The following EIF2AK1 variants were observed in gnomAD, a reference collection of about 807,000 sequenced individuals.
The protein encoded by EIF2AK1 is eukaryotic translation initiation factor 2 alpha kinase 1, also known as eukaryotic translation initiation factor 2-alpha kinase 1.
EIF2AK1 carries 54 observed loss-of-function variants against 77.9 expected under a neutral mutation model. That is an observed-to-expected ratio of 0.69 (90% CI 0.56 to 0.87). EIF2AK1 has a LOEUF of 0.87. Ranked by LOEUF, EIF2AK1 falls within the 40% of genes least tolerant of loss-of-function variation. EIF2AK1 has a pLI of 0.00. For missense variants in EIF2AK1, 810 were observed against 768.6 expected (o/e 1.05, Z -0.64); for synonymous variants, 314 against 290.5 (o/e 1.08, Z -0.82).
chr7:6,030,117 A>C (rs772107413), intron 11 of EIF2AK1, among the ~76,000 whole-genome samples: 3 of 152,164 alleles, frequency 2.0e-5, no homozygotes, highest in Non-Finnish European at 2.9e-5. Flanking sequence ...AATGTAACAA[A>C]CCACATGGCT....
Position 6,059,112 on chromosome 7 carries a change from C to G in EIF2AK1, c.-29G>C, listed in dbSNP as rs1403176507. Reference sequence around the variant, plus strand: ...CGGCCGCGCGCGGGCCGCAGCCCAGCCCGCCGGCCAGCCCAGCACTGCCAC... The same window carrying G: ...CGGCCGCGCGCGGGCCGCAGCCCAGGCCGCCGGCCAGCCCAGCACTGCCAC... On this transcript the variant is annotated 5_prime_UTR_variant, in exon 1 of 15. Coordinates refer to ENST00000199389, the MANE Select transcript of EIF2AK1 (RefSeq NM_014413.4). 2 of 1,338,098 alleles carry G rather than the reference C, an allele frequency of 1.5e-6. No individual in the cohort carries two copies. The highest frequency in any genetic ancestry group is 3.1e-5 in the African/African-American group (2 of 64,492). The allele number at this position is 1,338,098 out of a possible 1,614,324, so 82.9% of individuals were successfully genotyped here.
Position 6,048,846 on chromosome 7 carries a change from T to C in EIF2AK1, c.412-2A>G. 1 of 1,576,844 alleles carries C rather than the reference T, an allele frequency of 6.3e-7. No homozygotes were observed. On this transcript the variant is annotated splice_acceptor_variant, in intron 3 of 14. Transcript: ENST00000199389. LOFTEE classifies it high-confidence loss of function. ...ACGAGAAATATCCTCACAAGGATCC[T>C]ACAATTAAAAAATTGTTTTTAAAAA... is the stretch of plus-strand genomic sequence containing the variant.
intron 7 of EIF2AK1, among the ~76,000 whole-genome samples, chr7:6,043,519 C>T (rs1372513842): frequency 6.6e-6 from 1 of 152,086 alleles, no homozygotes; most frequent in Non-Finnish European, 1.5e-5. Context: ...ACCTCCACCT[C>T]CCGGGTTCAA....
At chr7:6,045,197 C>G (rs769345205) in intron 6 of EIF2AK1, among the ~76,000 whole-genome samples, 3 of 151,448 alleles carry the variant, frequency 2.0e-5, no homozygotes, top group Non-Finnish European at 2.9e-5. Flanking sequence ...AATCACTTTG[C>G]TGGGTTCAAG....
chr7:6,056,000 A>C (rs1228955280), intron 1 of EIF2AK1, among the ~76,000 whole-genome samples: 1 of 146,650 alleles, frequency 6.8e-6, no homozygotes, highest in African/African-American at 2.5e-5. Context: ...AAAAAAAAAA[A>C]AAAAAAAACT....
chr7:6,027,066 A>T lies in EIF2AK1; in HGVS notation c.1531-105T>A. ...AAACAGGAGAGGGTTTCTAAGAATG[A>T]GGATATACGGTCACCCACAAGGAAG... On this transcript the variant is annotated intron_variant, in intron 13 of 14. Coordinates refer to ENST00000199389, the MANE Select transcript of EIF2AK1 (RefSeq NM_014413.4). This position sits in a 1 kb window ranked among gnomAD's most constrained non-coding sequence, Gnocchi z 4.5. 1 of 911,766 alleles carries T rather than the reference A, an allele frequency of 1.1e-6. No homozygotes were observed. Among genetic ancestry groups the T allele is most frequent in the East Asian group, 2.5e-5 (1 of 40,262 alleles). 56.5% of individuals were successfully genotyped at this position (911,766 alleles called of 1,614,324 possible). A position where few individuals can be genotyped will look rare whatever the true frequency, so the allele number is the denominator to read the frequency against.
In EIF2AK1 at chr7:6,033,679, C is replaced by T. The variant is rs964034167; in HGVS notation, c.1332+3745G>A. 6.6e-5 allele frequency among the ~76,000 whole-genome samples: 10 copies of T among 152,118 alleles called. No individual in the cohort carries two copies. In the South Asian group the frequency reaches 8.3e-4, roughly 13 times the overall value. ...CATTCTCCTGGGTTCACGCCATTCT[C>T]CTGCCTCAGCCTCCCAAGTAGCTGG... is the stretch of plus-strand genomic sequence containing the variant. On this transcript the variant is annotated intron_variant, in intron 11 of 14. Transcript: ENST00000199389. This position sits in a 1 kb window ranked among gnomAD's most constrained non-coding sequence, Gnocchi z 4.4.
intron 1 of EIF2AK1, chr7:6,057,597 A>AT (rs1304936313): frequency 3.6e-5 from 4 of 112,120 alleles, no homozygotes; most frequent in African/African-American, 8.5e-5. Flanking sequence ...GAAGCATTCC[A>AT]TAAAAAAAAA....
Position 6,059,090 on chromosome 7 carries a change from C to G in EIF2AK1, c.-7G>C. ...CGGAGTTGCCCCCCTGCATCGCCGG[C>G]CGCGCGCGGGCCGCAGCCCAGCCCG... On this transcript the variant is annotated 5_prime_UTR_variant, in exon 1 of 15. Transcript: ENST00000199389. 1 of 1,381,858 alleles carries G rather than the reference C, an allele frequency of 7.2e-7. No individual in the cohort carries two copies. The highest frequency in any genetic ancestry group is 9.3e-7 in the Non-Finnish European group (1 of 1,075,382). The allele number at this position is 1,381,858 out of a possible 1,614,324, so 85.6% of individuals were successfully genotyped here. A position where few individuals can be genotyped will look rare whatever the true frequency, so the allele number is the denominator to read the frequency against.
At position 6,035,413 on chromosome 7, in the gene EIF2AK1, C is replaced by A. The variant is rs747455430; in HGVS notation, c.1332+2011G>T. The A allele has an allele frequency of 1.6e-5, 24 of 1,527,134 alleles. No homozygotes were observed. In the South Asian group the frequency reaches 2.9e-4, roughly 19 times the overall value. The allele number at this position is 1,527,134 out of a possible 1,614,324, so 94.6% of individuals were successfully genotyped here. A position where few individuals can be genotyped will look rare whatever the true frequency, so the allele number is the denominator to read the frequency against. ...CGTAGAGCCGTTCCCACTGTGAATT[C>A]AGTGTAACGTGTAATCAATACCCAT... On this transcript the variant is annotated intron_variant, in intron 11 of 14. Coordinates refer to ENST00000199389, the MANE Select transcript of EIF2AK1 (RefSeq NM_014413.4). The surrounding 1 kb of genome is among the most constrained non-coding windows in gnomAD (Gnocchi z 5.5).
intron 2 of EIF2AK1, among the ~76,000 whole-genome samples, chr7:6,051,104 G>A (rs965108379): frequency 5.9e-5 from 9 of 152,272 alleles, no homozygotes; most frequent in East Asian, 1.9e-4. Context: ...TACAACAAAA[G>A]TGACCATTCA....
chr7:6,031,164 T>A (rs948335959), intron 11 of EIF2AK1, among the ~76,000 whole-genome samples: 5 of 152,090 alleles, frequency 3.3e-5, no homozygotes, highest in Non-Finnish European at 5.9e-5. Flanking sequence ...TATGATAGAG[T>A]AGAAAACCCT....
At chr7:6,042,595 A>T (rs1234224897) in intron 8 of EIF2AK1, among the ~76,000 whole-genome samples, 1 of 152,122 alleles carries the variant, frequency 6.6e-6, no homozygotes, top group Non-Finnish European at 1.5e-5. Flanking sequence ...GGCCAGGTGC[A>T]GTGGCTCACG....
rs370810725 is a variant in EIF2AK1 at position 6,028,689 on chromosome 7, T to C, written c.1456A>G (p.Thr486Ala). ...WTNRNGKRTP[T>A]HTSRVGTCLY... ...CAAGTACCCACTCTGGACGTATGTG[T>C]TGGTGTTCCTATCATTTCAAAAGCC... The change falls in exon 13 of 15, where the codon ACA becomes GCA. Residue 486 changes from threonine to alanine, a missense_variant. By Grantham distance (58) the Thr-to-Ala change is moderately conservative. Coordinates refer to ENST00000199389, the MANE Select transcript of EIF2AK1 (RefSeq NM_014413.4). 1.9e-6 allele frequency: 3 copies of C among 1,614,084 alleles called. No individual in the cohort carries two copies. The highest frequency in any genetic ancestry group is 4.5e-5 in the East Asian group (2 of 44,898).
Position 6,035,785 on chromosome 7 carries a change from C to A in EIF2AK1, c.1332+1639G>T. The A allele has an allele frequency of 1.3e-6, 2 of 1,551,078 alleles. No individual in the cohort carries two copies. Among genetic ancestry groups the A allele is most frequent in the Non-Finnish European group, 1.7e-6 (2 of 1,147,106 alleles). ...ATGCTGAATAAGGAGATGATGGAAA[C>A]GCTCATTGCCTATGGAGCAAACGTC... On this transcript the variant is annotated intron_variant, in intron 11 of 14. Coordinates refer to ENST00000199389, the MANE Select transcript of EIF2AK1 (RefSeq NM_014413.4). This position sits in a 1 kb window ranked among gnomAD's most constrained non-coding sequence, Gnocchi z 5.5.
chr7:6,026,788 T>A lies in EIF2AK1; in HGVS notation c.1704A>T (p.Ser568=). ...GCTGAATGGCAGATGGTCTCTGCGA[T>A]GAGTTCCTTCTCGTTAAGTGCTGGA... The part of the protein sequence containing the change: ...KYIQHLTRRN[S]SQRPSAIQLL... Residue 568 remains serine (S), a synonymous_variant, in exon 14 of 15, where the codon TCA becomes TCT. Coordinates refer to ENST00000199389, the MANE Select transcript of EIF2AK1 (RefSeq NM_014413.4). The A allele has an allele frequency of 6.2e-7, 1 of 1,613,932 alleles. No homozygotes were observed. Among genetic ancestry groups the A allele is most frequent in the Non-Finnish European group, 8.5e-7 (1 of 1,179,782 alleles).
chr7:6,023,993 A>C lies in EIF2AK1; in HGVS notation c.*680T>G. ...GGCTGGGGAGCTGAGTGCTACAATA[A>C]AGGAGGAAGTACCGGGGAACAGTGC... On this transcript the variant is annotated 3_prime_UTR_variant, in exon 15 of 15. Transcript: ENST00000199389. 5 of 1,348,610 alleles carry C rather than the reference A, an allele frequency of 3.7e-6. No individual in the cohort carries two copies. Among genetic ancestry groups the C allele is most frequent in the Non-Finnish European group, 3.9e-6 (4 of 1,028,812 alleles). The allele number at this position is 1,348,610 out of a possible 1,614,324, so 83.5% of individuals were successfully genotyped here. A position where few individuals can be genotyped will look rare whatever the true frequency, so the allele number is the denominator to read the frequency against.
Position 6,033,894 on chromosome 7 carries a change from T to C in EIF2AK1, c.1332+3530A>G, listed in dbSNP as rs977708619. 1.3e-5 allele frequency among the ~76,000 whole-genome samples: 2 copies of C among 152,032 alleles called. No individual in the cohort carries two copies. The highest frequency in any genetic ancestry group is 1.3e-4 in the Admixed American group (2 of 15,248). ...GACAATGGATTTTCTTGTTTATTAC[T>C]CTCCACTAGAAGGTAAGCCGCATGA... On this transcript the variant is annotated intron_variant, in intron 11 of 14. Coordinates refer to ENST00000199389, the MANE Select transcript of EIF2AK1 (RefSeq NM_014413.4). The surrounding 1 kb of genome is among the most constrained non-coding windows in gnomAD (Gnocchi z 4.4).
At chr7:6,030,161 A>G (rs1460771405) in intron 11 of EIF2AK1, among the ~76,000 whole-genome samples, 1 of 152,162 alleles carries the variant, frequency 6.6e-6, no homozygotes, top group East Asian at 1.9e-4. Context: ...AGTGAACAGG[A>G]TGTAGAGGAG....
Sources: allele counts gnomAD v4.1 joint callset (sites outside exome capture counted in the v4.1 genomes callset), GRCh38; gene constraint gnomAD v4.1.1; non-coding constraint Gnocchi (gnomAD v3.1); transcripts MANE v1.5; gene names NCBI Gene and HGNC (gene_info 2026-07-23, HGNC 2026-07-21).